Variants in FADS2 observed in about 807,000 individuals in gnomAD.
The protein encoded by FADS2 is fatty acid desaturase 2.
Under a neutral mutation model 61.2 loss-of-function variants are expected in FADS2, and 18 were observed. The observed-to-expected ratio is 0.29, with a 90% CI of 0.20 to 0.44. The LOEUF is 0.44. FADS2 is among the 20% of genes least tolerant of loss of function. The probability of loss-of-function intolerance (pLI) is 1.00; values close to 1 mark genes in which losing one functional copy is unlikely to be tolerated. For synonymous variants in FADS2, 203 were observed against 223.9 expected, an observed-to-expected ratio of 0.91 and a Z score of 0.83; for missense variants, 322 against 572.7, an observed-to-expected ratio of 0.56 and a Z score of 4.47.
In FADS2 at chr11:61,863,344, A is replaced by ACCAGGAGG. The variant is rs2067433434; in HGVS notation, c.1046_1053dup (p.Tyr352ArgfsTer12). 6.2e-7 allele frequency: 1 copy of ACCAGGAGG among 1,614,012 alleles called. No individual in the cohort carries two copies. Among genetic ancestry groups the ACCAGGAGG allele is most frequent in the Non-Finnish European group, 8.5e-7 (1 of 1,179,914 alleles). On this transcript the variant is annotated frameshift_variant, in exon 9 of 12. Transcript: ENST00000278840. LOFTEE classifies it high-confidence loss of function. ...ATGAATCACATCGTCATGGAGATTG[A>ACCAGGAGG]CCAGGAGGCCTACCGTGACTGGTTC...
chr11:61,863,087 A>G lies in FADS2; in HGVS notation c.980+18A>G. On this transcript the variant is annotated intron_variant, in intron 8 of 11. Transcript: ENST00000278840. ...TTCATCAGGTGCCTGGGCTTTGCTG[A>G]TTCATCCCTGGGCCCTCCACTGGCA... 2 of 1,605,362 alleles carry G rather than the reference A, an allele frequency of 1.2e-6. No individual in the cohort carries two copies. Among genetic ancestry groups the G allele is most frequent in the South Asian group, 2.2e-5 (2 of 90,920 alleles).
chr11:61,840,796 C>G, intron 4 of FADS2, 71 bp downstream of exon 4: 2 of 1,145,428 alleles, frequency 1.7e-6, no homozygotes, highest in Non-Finnish European at 1.3e-6. Flanking sequence ...GGATTCCTCT[C>G]TGCTCAGTGC....
rs1330057193 is a variant in FADS2 at position 61,866,238 on chromosome 11, C to T, written c.*549C>T. The T allele has an allele frequency of 2.6e-6, 1 of 381,712 alleles. No homozygotes were observed. Among genetic ancestry groups the T allele is most frequent in the African/African-American group, 2.1e-5 (1 of 48,430 alleles). The allele number at this position is 381,712 out of a possible 1,614,324, so 23.6% of individuals were successfully genotyped here. A position where few individuals can be genotyped will look rare whatever the true frequency, so the allele number is the denominator to read the frequency against. On this transcript the variant is annotated 3_prime_UTR_variant, in exon 12 of 12. Coordinates refer to ENST00000278840, the MANE Select transcript of FADS2 (RefSeq NM_004265.4). ...CTGCTTTGTTACAAAGCTCGGGTCT[C>T]CCTCCTGCAGCTCGGTTAAGTACCC...
chr11:61,819,736 T>A lies in FADS2; in HGVS notation c.141+3310T>A, dbSNP rs1203309841. Among the ~76,000 whole-genome samples the A allele has an allele frequency of 2.0e-5, 3 of 152,286 alleles. No homozygotes were observed. The East Asian group carries it at 5.8e-4, about 29-fold the overall frequency. On this transcript the variant is annotated intron_variant, in intron 1 of 11. Coordinates refer to the FADS2 transcript ENST00000257261. ...ATGTAAATCTTTTATTTTATTATAC[T>A]TTAAGTTTTAAGGTACATATGCACA...
Position 61,865,088 on chromosome 11 carries a change from G to A in FADS2, c.1158-64G>A, listed in dbSNP as rs528940796. 1 of 1,562,104 alleles carries A rather than the reference G, an allele frequency of 6.4e-7. No individual in the cohort carries two copies. The highest frequency in any genetic ancestry group is 8.7e-7 in the Non-Finnish European group (1 of 1,149,640). On this transcript the variant is annotated intron_variant, in intron 10 of 11. Transcript: ENST00000278840. This position sits in a 1 kb window ranked among gnomAD's most constrained non-coding sequence, Gnocchi z 4.1. The stretch of plus-strand genomic sequence containing the variant: ...CAGCCAGCCTCTGCCCAGGTGGTGG[G>A]AGGAAGCGGGAGCAGCATGGCCCTC...
upstream of FADS2, among the ~76,000 whole-genome samples, chr11:61,825,617 C>CAAA (rs921881577): frequency 4.1e-5 from 3 of 72,484 alleles, no homozygotes; most frequent in Non-Finnish European, 8.3e-5. Context: ...GACCCTGTCT[C>CAAA]AAAAAAAAAA....
At chr11:61,840,557 CT>C in intron 3 of FADS2, 26 bp downstream of exon 3, 1 of 1,613,810 alleles carries the variant, frequency 6.2e-7, no homozygotes, top group Non-Finnish European at 8.5e-7. Context: ...CTCACTTCCC[CT>C]AGCTGACAGA....
At chr11:61,863,255 C>T in intron 8 of FADS2, 27 bp from the exon 9 acceptor site, 2 of 1,590,478 alleles carry the variant, frequency 1.3e-6, no homozygotes, top group Non-Finnish European at 1.7e-6. Flanking sequence ...CCCGGAGGCC[C>T]CTGCGCTGAG....
At chr11:61,848,533 C>G in intron 5 of FADS2, 1 of 570,724 alleles carries the variant, frequency 1.8e-6, no homozygotes. Flanking sequence ...ACACAGATAC[C>G]TCTCCTAGGT....
Position 61,828,781 on chromosome 11 carries a change from G to A in FADS2, c.207+184G>A. On this transcript the variant is annotated intron_variant, in intron 1 of 11. Transcript: ENST00000278840. This position sits in a 1 kb window ranked among gnomAD's most constrained non-coding sequence, Gnocchi z 6.4. ...TCCTCCTCCTCCTCTGGGCCGACTG[G>A]GGTGGAGACCGGATCTGGGACCCGG... 3.4e-6 allele frequency: 2 copies of A among 591,692 alleles called. No homozygotes were observed. The highest frequency in any genetic ancestry group is 4.2e-5 in the South Asian group (2 of 48,006). 36.7% of individuals were successfully genotyped at this position (591,692 alleles called of 1,614,324 possible). A position where few individuals can be genotyped will look rare whatever the true frequency, so the allele number is the denominator to read the frequency against.
intron 1 of FADS2, among the ~76,000 whole-genome samples, chr11:61,832,260 C>T (rs1264347037): frequency 2.6e-5 from 4 of 152,216 alleles, no homozygotes; most frequent in African/African-American, 7.2e-5. Flanking sequence ...CTTGTGAAAA[C>T]GCAACAGATC....
At position 61,862,956 on chromosome 11, in the gene FADS2, T is replaced by G; in HGVS notation, c.883-16T>G. On this transcript the variant is annotated splice_polypyrimidine_tract_variant and intron_variant, in intron 7 of 11. Coordinates refer to ENST00000278840, the MANE Select transcript of FADS2 (RefSeq NM_004265.4). ...AGGAGAGGGCAGGTTGCACCTAACT[T>G]CATCTTTCCCCGCAGGACCTGGCCT... The G allele has an allele frequency of 3.7e-6, 6 of 1,611,920 alleles. No homozygotes were observed. The highest frequency in any genetic ancestry group is 4.2e-6 in the Non-Finnish European group (5 of 1,177,954).
intron 1 of FADS2, among the ~76,000 whole-genome samples, chr11:61,834,121 C>T (rs944579049): frequency 1.3e-5 from 2 of 152,186 alleles, no homozygotes; most frequent in African/African-American, 2.4e-5. Flanking sequence ...TTGGGAAAAG[C>T]CTCTTGGAGG....
At chr11:61,853,578 A>G (rs1214751630) in intron 5 of FADS2, among the ~76,000 whole-genome samples, 4 of 151,788 alleles carry the variant, frequency 2.6e-5, no homozygotes, top group Non-Finnish European at 4.4e-5. Flanking sequence ...GGTGCCTGAG[A>G]TCCTCCTCCT....
Position 61,816,543 on chromosome 11 carries a change from G to C in FADS2, c.141+117G>C, listed in dbSNP as rs367757971. On this transcript the variant is annotated intron_variant, in intron 1 of 11. Coordinates refer to the FADS2 transcript ENST00000257261. This position sits in a 1 kb window ranked among gnomAD's most constrained non-coding sequence, Gnocchi z 7.0. ...CCCGCCCTCTCCTGTGCCCCCGCCT[G>C]GCTGCGCTCACCGTGGCATCCTGCC... is the stretch of plus-strand genomic sequence containing the variant. 6.2e-6 allele frequency: 10 copies of C among 1,600,038 alleles called. No homozygotes were observed. The highest frequency in any genetic ancestry group is 8.5e-6 in the Non-Finnish European group (10 of 1,174,496).
chr11:61,828,552 G>A lies in FADS2; in HGVS notation c.162G>A (p.Pro54=), dbSNP rs752285115. Residue 54 remains proline (P), a synonymous_variant, in exon 1 of 12, where the codon CCG becomes CCA. Coordinates refer to ENST00000278840, the MANE Select transcript of FADS2 (RefSeq NM_004265.4). The surrounding 1 kb of genome is among the most constrained non-coding windows in gnomAD (Gnocchi z 6.4). ...TCACCAAATGGTCCATCCAGCACCC[G>A]GGGGGCCAGCGGGTCATCGGGCACT... ...YNITKWSIQH[P]GGQRVIGHYA... The A allele has an allele frequency of 8.1e-6, 13 of 1,613,676 alleles. No individual in the cohort carries two copies. In the African/African-American group the frequency reaches 1.6e-4, roughly 20 times the overall value.
intron 1 of FADS2, among the ~76,000 whole-genome samples, chr11:61,831,845 G>A (rs373883167): frequency 1.4e-4 from 22 of 152,020 alleles, no homozygotes; most frequent in African/African-American, 5.3e-4. Context: ...TTGGTACTGC[G>A]GTGCTTCTCT....
Position 61,840,549 on chromosome 11 carries a change from C to T in FADS2, c.516+18C>T. 6.2e-7 allele frequency: 1 copy of T among 1,614,010 alleles called. No individual in the cohort carries two copies. On this transcript the variant is annotated intron_variant, in intron 3 of 11. Coordinates refer to ENST00000278840, the MANE Select transcript of FADS2 (RefSeq NM_004265.4). The stretch of plus-strand genomic sequence containing the variant: ...CCTCTCAGGTGAGGCGTGACACCCT[C>T]ACTTCCCCTAGCTGACAGAGGCCTG...
intron 5 of FADS2, among the ~76,000 whole-genome samples, chr11:61,852,769 G>A (rs1285525086): frequency 6.6e-6 from 1 of 152,088 alleles, no homozygotes; most frequent in Non-Finnish European, 1.5e-5. Context: ...TCCCGCTAGT[G>A]TCCACTTACG....
Sources: gnomAD v4.1 joint callset for allele counts (sites outside exome capture counted in the v4.1 genomes callset) on GRCh38, gnomAD v4.1.1 for gene constraint, Gnocchi (gnomAD v3.1) non-coding constraint, MANE v1.5 for transcripts, NCBI Gene and HGNC (gene_info 2026-07-23, HGNC 2026-07-21) for gene names.